The following PTPRQ variants were observed in gnomAD, a reference collection of about 807,000 sequenced individuals.
PTPRQ encodes the protein phosphatidylinositol phosphatase PTPRQ.
In PTPRQ, 199 loss-of-function variants were observed where a neutral mutation model predicts 246.0. The observed-to-expected ratio is 0.81, with a 90% confidence interval of 0.72 to 0.91. The LOEUF (loss-of-function observed/expected upper bound fraction) is 0.91. Ranked by LOEUF, PTPRQ falls within the 40% of genes least tolerant of loss-of-function variation. The pLI, the probability that PTPRQ is intolerant of heterozygous loss-of-function variation, is 0.00. For synonymous variants in PTPRQ, 869 were observed against 853.2 expected, an observed-to-expected ratio of 1.02 and a Z score of -0.32; for missense variants, 2,624 against 2,528.4, an observed-to-expected ratio of 1.04 and a Z score of -0.81.
intron 3 of PTPRQ, 86 bp downstream of exon 3, chr12:80,445,803 T>C (rs761005570): frequency 9.7e-5 from 85 of 877,846 alleles, no homozygotes; most frequent in Non-Finnish European, 1.4e-4. Context: ...TTGTCAAGCC[T>C]TTACAGCTGA....
intron 20 of PTPRQ, among the ~76,000 whole-genome samples, chr12:80,541,071 C>A (rs1480772371): frequency 1.3e-5 from 2 of 151,980 alleles, no homozygotes; most frequent in East Asian, 3.9e-4. Flanking sequence ...GAGACTAGAT[C>A]TTGGGAAAGC....
chr12:80,620,407 T>C, intron 32 of PTPRQ, 31 bp downstream of exon 32: 1 of 1,544,720 alleles, frequency 6.5e-7, no homozygotes, highest in South Asian at 1.2e-5. Context: ...CCATGCATTC[T>C]GTTAGCAAGC....
At chr12:80,525,892 G>C (rs1465614287) in intron 17 of PTPRQ, 1 of 152,030 alleles carries the variant, frequency 6.6e-6, no homozygotes, top group Non-Finnish European at 1.5e-5. Context: ...CATAACATTT[G>C]TATTTTCTTG....
chr12:80,620,298 G>C lies in PTPRQ; in HGVS notation c.5534G>C (p.Gly1845Ala), dbSNP rs1322720867. The C allele has an allele frequency of 2.6e-6, 4 of 1,549,394 alleles. No homozygotes were observed. The African/African-American group carries it at 4.1e-5, about 16-fold the overall frequency. Reference protein sequence around the residue: ...FSGNEEIYIIGADNACMIPGN... With the variant: ...FSGNEEIYIIAADNACMIPGN... The stretch of plus-strand genomic sequence containing the variant: ...GGCAATGAAGAAATCTACATCATAG[G>C]TGCTGATAATGCATGCATGATTCCT... The change falls in exon 32 of 45, where the codon GGT becomes GCT. Residue 1845 changes from glycine (G) to alanine (A), a missense_variant. Coordinates refer to ENST00000644991, the MANE Select transcript of PTPRQ (RefSeq NM_001145026.2).
chr12:80,616,284 C>G lies in PTPRQ; in HGVS notation c.5230+18C>G. The G allele has an allele frequency of 6.9e-7, 1 of 1,457,428 alleles. No individual in the cohort carries two copies. Among genetic ancestry groups the G allele is most frequent in the South Asian group, 1.5e-5 (1 of 68,270 alleles). The allele number at this position is 1,457,428 out of a possible 1,614,324, so 90.3% of individuals were successfully genotyped here. On this transcript the variant is annotated intron_variant, in intron 30 of 44. Coordinates refer to ENST00000644991, the MANE Select transcript of PTPRQ (RefSeq NM_001145026.2). ...TATCAAAGGTACATACATGAGCTAC[C>G]TTCCTATGAAATGCTATTAATCAGT...
intron 14 of PTPRQ, among the ~76,000 whole-genome samples, chr12:80,500,936 T>C (rs958462546): frequency 1.3e-5 from 2 of 151,908 alleles, no homozygotes; most frequent in African/African-American, 4.8e-5. Flanking sequence ...GAGTAGTGAG[T>C]GGGCTATTTG....
chr12:80,673,899 C>G (rs1402093548), intron 43 of PTPRQ, among the ~76,000 whole-genome samples: 1 of 152,074 alleles, frequency 6.6e-6, no homozygotes, highest in Admixed American at 6.6e-5. Flanking sequence ...TTAAAACCCT[C>G]TACTGAGTGT....
chr12:80,457,910 TA>T (rs1159451974), intron 4 of PTPRQ, among the ~76,000 whole-genome samples: 4 of 152,064 alleles, frequency 2.6e-5, no homozygotes, highest in African/African-American at 7.2e-5. Context: ...ACTTATCATA[TA>T]AAAAATGCTT....
chr12:80,647,396 ACCTT>A (rs1900110831), intron 35 of PTPRQ, among the ~76,000 whole-genome samples: 1 of 152,116 alleles, frequency 6.6e-6, no homozygotes, highest in South Asian at 2.1e-4. Flanking sequence ...ACCCAACACA[ACCTT>A]CTATTCTTTC....
At chr12:80,625,716 G>C (rs1049489774) in intron 33 of PTPRQ, among the ~76,000 whole-genome samples, 1 of 152,130 alleles carries the variant, frequency 6.6e-6, no homozygotes, top group Non-Finnish European at 1.5e-5. Context: ...AACCTTTCTG[G>C]CCTGTAGGGA....
chr12:80,450,547 G>A (rs1045574421), intron 3 of PTPRQ, among the ~76,000 whole-genome samples: 3 of 151,882 alleles, frequency 2.0e-5, no homozygotes, highest in Non-Finnish European at 2.9e-5. Flanking sequence ...TTTGAGATAC[G>A]TCCCATCAAT....
intron 7 of PTPRQ, among the ~76,000 whole-genome samples, chr12:80,471,638 C>T (rs1308005107): frequency 1.4e-5 from 2 of 138,648 alleles, no homozygotes; most frequent in East Asian, 2.1e-4. Flanking sequence ...CCACTACGCC[C>T]GGCTAATTTT....
chr12:80,554,499 T>C (rs1266169279), intron 25 of PTPRQ, among the ~76,000 whole-genome samples: 1 of 152,224 alleles, frequency 6.6e-6, no homozygotes, highest in Non-Finnish European at 1.5e-5. Context: ...AGCTCCATAA[T>C]TTAGAATCAA....
intron 35 of PTPRQ, among the ~76,000 whole-genome samples, chr12:80,645,296 C>T (rs192569735): frequency 5.3e-5 from 8 of 151,960 alleles, no homozygotes; most frequent in Admixed American, 2.6e-4. Flanking sequence ...TTTGCTTAGA[C>T]TCACATGCTT....
intron 6 of PTPRQ, among the ~76,000 whole-genome samples, chr12:80,461,391 A>G (rs1231388147): frequency 6.6e-6 from 1 of 152,176 alleles, no homozygotes; most frequent in Non-Finnish European, 1.5e-5. Context: ...TAGAGACAGT[A>G]ATAGTACCTT....
chr12:80,523,763 C>G (rs1472129738), intron 17 of PTPRQ, among the ~76,000 whole-genome samples: 1 of 152,162 alleles, frequency 6.6e-6, no homozygotes, highest in Non-Finnish European at 1.5e-5. Flanking sequence ...TTTACATTTG[C>G]TGAGGAGTGC....
intron 41 of PTPRQ, among the ~76,000 whole-genome samples, chr12:80,670,062 C>A (rs1805985987): frequency 2.6e-5 from 4 of 151,944 alleles, no homozygotes; most frequent in Admixed American, 2.6e-4. Context: ...GTTTCAATAC[C>A]TATTATTCTG....
At chr12:80,586,807 C>T (rs532019392) in intron 25 of PTPRQ, 1 of 152,204 alleles carries the variant, frequency 6.6e-6, no homozygotes, top group Admixed American at 6.5e-5. Flanking sequence ...CATGCCCAGA[C>T]TTTTATTTCT....
chr12:80,646,023 T>C (rs1900059616), intron 35 of PTPRQ, among the ~76,000 whole-genome samples: 1 of 152,184 alleles, frequency 6.6e-6, no homozygotes. Context: ...TCGTGACTAC[T>C]ATATTTTAGC....
Sources: allele counts gnomAD v4.1 joint callset (sites outside exome capture counted in the v4.1 genomes callset), GRCh38; gene constraint gnomAD v4.1.1; transcripts MANE v1.5; gene names NCBI Gene and HGNC (gene_info 2026-07-23, HGNC 2026-07-21).